Variants in GHR observed in about 807,000 individuals in gnomAD.
GHR encodes growth hormone receptor.
In GHR, 35 loss-of-function variants were observed where a neutral mutation model predicts 67.1. The observed-to-expected ratio is 0.52, with a 90% CI of 0.40 to 0.69. The LOEUF (loss-of-function observed/expected upper bound fraction) is 0.69, where lower values mean the gene tolerates loss of function less well. Ranked by LOEUF, GHR falls within the 30% of genes least tolerant of loss-of-function variation. GHR has a pLI of 0.00. For synonymous variants in GHR, 272 were observed against 269.1 expected, an observed-to-expected ratio of 1.01 and a Z score of -0.10; for missense variants, 792 against 764.6, an observed-to-expected ratio of 1.04 and a Z score of -0.42.
At chr5:42,538,401 T>C (rs1246197502) in intron 1 of GHR, among the ~76,000 whole-genome samples, 2 of 152,218 alleles carry the variant, frequency 1.3e-5, no homozygotes. Flanking sequence ...CATTTGTTCG[T>C]CTGAAAATGA....
intron 2 of GHR, among the ~76,000 whole-genome samples, chr5:42,581,321 A>G (rs2112557603): frequency 6.6e-6 from 1 of 152,282 alleles, no homozygotes; most frequent in Admixed American, 6.5e-5. Flanking sequence ...TCCTACTTGC[A>G]AGCTTGTTGT....
chr5:42,570,069 GT>G (rs11286605), intron 2 of GHR, among the ~76,000 whole-genome samples: 49,046 of 151,966 alleles, frequency 0.32, 9,740 homozygotes, highest in African/African-American at 0.55. Context: ...TTCCACCACA[GT>G]TGAGGTTCCA....
intron 3 of GHR, among the ~76,000 whole-genome samples, chr5:42,667,307 G>A (rs947746532): frequency 1.3e-5 from 2 of 152,212 alleles, no homozygotes; most frequent in South Asian, 2.1e-4. Flanking sequence ...CCTCTTATAT[G>A]GAGGTTGGCC....
intron 1 of GHR, among the ~76,000 whole-genome samples, chr5:42,461,745 T>C (rs1011131688): frequency 2.6e-5 from 4 of 152,184 alleles, no homozygotes; most frequent in Non-Finnish European, 4.4e-5. Context: ...GCACAGAATG[T>C]CTCTTAGTAT....
intron 1 of GHR, among the ~76,000 whole-genome samples, chr5:42,529,736 C>T (rs1747873911): frequency 6.6e-6 from 1 of 152,036 alleles, no homozygotes; most frequent in Admixed American, 6.6e-5. Flanking sequence ...ACAGAAATGT[C>T]CTATTTGTCT....
chr5:42,636,534 A>G (rs1754203306), intron 3 of GHR, among the ~76,000 whole-genome samples: 1 of 152,130 alleles, frequency 6.6e-6, no homozygotes, highest in African/African-American at 2.4e-5. Context: ...TTCAAAACCA[A>G]CTCTAATCAC....
chr5:42,564,707 G>GA (rs1453577691), intron 1 of GHR, among the ~76,000 whole-genome samples: 1 of 152,100 alleles, frequency 6.6e-6, no homozygotes, highest in African/African-American at 2.4e-5. Flanking sequence ...TAGGCCCATG[G>GA]AAAAAAACAT....
intron 2 of GHR, among the ~76,000 whole-genome samples, chr5:42,604,617 T>A (rs1441206841): frequency 6.6e-6 from 1 of 152,070 alleles, no homozygotes; most frequent in African/African-American, 2.4e-5. Flanking sequence ...CTGCTTCTAA[T>A]GTCTAAAGCA....
chr5:42,703,682 A>G (rs1758038517), intron 6 of GHR, among the ~76,000 whole-genome samples: 1 of 151,984 alleles, frequency 6.6e-6, no homozygotes, highest in Non-Finnish European at 1.5e-5. Context: ...TAATCCATGA[A>G]CATGGGCTAT....
intron 1 of GHR, among the ~76,000 whole-genome samples, chr5:42,517,397 G>A (rs1181464972): frequency 6.6e-6 from 1 of 152,120 alleles, no homozygotes; most frequent in African/African-American, 2.4e-5. Flanking sequence ...TATAACCTCT[G>A]GGCCTAAATC....
intron 1 of GHR, among the ~76,000 whole-genome samples, chr5:42,541,841 A>C (rs1748532120): frequency 1.3e-5 from 2 of 152,170 alleles, no homozygotes; most frequent in Admixed American, 1.3e-4. Flanking sequence ...ATCTGGAAAG[A>C]TGAAGGTGAT....
rs139747017 is a variant in GHR at position 42,454,086 on chromosome 5, A to G, written c.-12+30131A>G. Among the ~76,000 whole-genome samples the G allele has an allele frequency of 3.0e-3, 457 of 152,266 alleles. 2 individuals carry two copies. Among genetic ancestry groups the G allele is most frequent in the African/African-American group, 9.9e-3 (413 of 41,542 alleles). ...TTGTTCTTCTGGGTCTAGCCACCCA[A>G]TGGAGTTACCAGGCTCTGGGCTGGT... On this transcript the variant is annotated intron_variant, in intron 1 of 9. Coordinates refer to ENST00000230882, the MANE Select transcript of GHR (RefSeq NM_000163.5).
At position 42,718,644 on chromosome 5, in the gene GHR, G is replaced by A. The variant is rs1758847918; in HGVS notation, c.1137G>A (p.Val379=). The A allele has an allele frequency of 6.2e-7, 1 of 1,614,170 alleles. No homozygotes were observed. Among genetic ancestry groups the A allele is most frequent in the Non-Finnish European group, 8.5e-7 (1 of 1,180,002 alleles). The change falls in exon 10 of 10, where the codon GTG becomes GTA. Residue 379 remains valine (V), a synonymous_variant. Transcript: ENST00000230882. ...DHEKSHSNLG[V]KDGDSGRTSC... The stretch of plus-strand genomic sequence containing the variant: ...AGAAATCACATAGTAACCTAGGGGT[G>A]AAGGATGGCGACTCTGGACGTACCA...
At chr5:42,702,977 A>G (rs778146961) in intron 6 of GHR, among the ~76,000 whole-genome samples, 13 of 151,886 alleles carry the variant, frequency 8.6e-5, no homozygotes, top group Non-Finnish European at 1.9e-4. Context: ...TATCAGATGT[A>G]TGCAAATATT....
chr5:42,475,924 G>C (rs928166223), intron 1 of GHR, among the ~76,000 whole-genome samples: 2 of 88,024 alleles, frequency 2.3e-5, no homozygotes, highest in Admixed American at 2.2e-4. Context: ...TTTTTTTTTT[G>C]AGACGGAGTC....
intron 1 of GHR, among the ~76,000 whole-genome samples, chr5:42,459,152 T>C (rs1744382293): frequency 6.6e-6 from 1 of 152,206 alleles, no homozygotes. Flanking sequence ...ATCCCATTAT[T>C]GGATATAAAC....
chr5:42,558,495 T>G (rs888987423), intron 1 of GHR, among the ~76,000 whole-genome samples: 2 of 152,228 alleles, frequency 1.3e-5, no homozygotes, highest in Non-Finnish European at 2.9e-5. Context: ...TCAACTATAG[T>G]CATGCACCAC....
intron 1 of GHR, among the ~76,000 whole-genome samples, chr5:42,473,767 C>T (rs1370168140): frequency 3.9e-4 from 59 of 151,624 alleles, no homozygotes; most frequent in South Asian, 2.1e-4. Flanking sequence ...GTCCCAGCTA[C>T]TCGGGAGGCT....
intron 8 of GHR, among the ~76,000 whole-genome samples, 194 bp from the exon 9 acceptor site, chr5:42,717,858 T>C (rs1445931578): frequency 6.6e-6 from 1 of 150,688 alleles, no homozygotes; most frequent in Non-Finnish European, 1.5e-5. Flanking sequence ...AGTTGTTCTT[T>C]TTTTTCCTTC....
Sources: gnomAD v4.1 joint callset for allele counts (sites outside exome capture counted in the v4.1 genomes callset) on GRCh38, gnomAD v4.1.1 for gene constraint, MANE v1.5 for transcripts, NCBI Gene and HGNC (gene_info 2026-07-23, HGNC 2026-07-21) for gene names.